MAX: variants seen among roughly 807,000 people sequenced by gnomAD.
MAX encodes MYC associated transcriptional regulator X, also known as protein max.
A neutral mutation model predicts 22.3 loss-of-function variants in MAX; 3 were observed. The ratio of observed to expected loss-of-function variants is 0.13; its 90% CI spans 0.06 to 0.35. MAX has a LOEUF of 0.35. MAX is among the 10% of genes least tolerant of loss of function. The probability of loss-of-function intolerance (pLI) is 1.00; values close to 1 mark genes in which losing one functional copy is unlikely to be tolerated. For synonymous variants in MAX, 72 were observed against 77.7 expected (o/e 0.93, Z 0.39); for missense variants, 119 against 209.4 (o/e 0.57, Z 2.66).
chr14:65,018,310 A>G (rs2139536223), intron 3 of MAX, among the ~76,000 whole-genome samples: 1 of 152,356 alleles, frequency 6.6e-6, no homozygotes. Flanking sequence ...AGCCTGGGCA[A>G]CAGAGCAAGA....
chr14:65,006,342 C>A lies in MAX; in HGVS notation c.172-58G>T, dbSNP rs912598405. On this transcript the variant is annotated intron_variant, in intron 3 of 3. Transcript: ENST00000341653. ...ACTAGTATAGTCTTTCCCTTAACTG[C>A]TAAACCAAATCTCTGCATTAACCCA... 2.5e-6 allele frequency: 4 copies of A among 1,601,516 alleles called. No individual in the cohort carries two copies. In the Admixed American group the frequency reaches 7.0e-5, roughly 28 times the overall value.
In MAX at chr14:65,101,584, G is replaced by C. The variant is rs777329218; in HGVS notation, c.37-12C>G. 2 of 1,569,654 alleles carry C rather than the reference G, an allele frequency of 1.3e-6. No individual in the cohort carries two copies. Among genetic ancestry groups the C allele is most frequent in the South Asian group, 1.1e-5 (1 of 88,436 alleles). ...CTCGGTTGCTCTTCCTGGAATAAGA[G>C]AGAAAAAAAAAAATAGAAAATATAG... On this transcript the variant is annotated splice_polypyrimidine_tract_variant and intron_variant, in intron 1 of 4. Transcript: ENST00000358664.
downstream of MAX, among the ~76,000 whole-genome samples, chr14:65,070,602 G>C (rs555118258): frequency 6.6e-6 from 1 of 152,196 alleles, no homozygotes; most frequent in Non-Finnish European, 1.5e-5. This position sits in a 1 kb window ranked among gnomAD's most constrained non-coding sequence, Gnocchi z 4.4. Flanking sequence ...TTCTAGACAC[G>C]CCCATCCTGC....
At chr14:65,099,294 TGTGTTAAATTAAAAACAAA>T (rs1341315466) in intron 2 of MAX, among the ~76,000 whole-genome samples, 2 of 152,076 alleles carry the variant, frequency 1.3e-5, no homozygotes, top group African/African-American at 4.8e-5. Context: ...AACAAATAGA[TGTGTTAAATTAAAAACAAA>T]GTGTCAAACC....
intron 3 of MAX, among the ~76,000 whole-genome samples, chr14:65,019,053 CCGGCTCCTACT>C (rs1266245946): frequency 3.0e-4 from 46 of 152,194 alleles, no homozygotes; most frequent in Middle Eastern, 3.4e-3. Flanking sequence ...TACTGCACTC[CCGGCTCCTACT>C]CAGGAGGCTG....
At chr14:65,046,239 G>A (rs1004463949) in intron 3 of MAX, among the ~76,000 whole-genome samples, 11 of 152,216 alleles carry the variant, frequency 7.2e-5, no homozygotes, top group Non-Finnish European at 1.5e-4. Context: ...GCCTCCCAAA[G>A]TGCTGGGATT....
intron 3 of MAX, among the ~76,000 whole-genome samples, chr14:65,024,292 G>A (rs752158988): frequency 6.6e-6 from 1 of 151,926 alleles, no homozygotes; most frequent in African/African-American, 2.4e-5. Context: ...TAGTGATTCC[G>A]GTTTAATTGG....
At chr14:65,059,545 AATT>A (rs1439744169) in intron 3 of MAX, among the ~76,000 whole-genome samples, 1 of 152,016 alleles carries the variant, frequency 6.6e-6, no homozygotes, top group Admixed American at 6.6e-5. Context: ...GGTTTTTAAA[AATT>A]ATTGTTTTAT....
intron 3 of MAX, chr14:65,053,246 GC>G: frequency 7.1e-7 from 1 of 1,405,558 alleles, no homozygotes; most frequent in East Asian, 2.7e-5. Flanking sequence ...AGGTGACCCT[GC>G]CCTTAGCATG....
At position 65,041,770 on chromosome 14, in the gene MAX, C is replaced by T. The variant is rs539195601; in HGVS notation, c.172-35486G>A. 6.6e-5 allele frequency among the ~76,000 whole-genome samples: 10 copies of T among 152,304 alleles called. No individual in the cohort carries two copies. In the South Asian group the frequency reaches 8.3e-4, roughly 13 times the overall value. ...AAAGATTCATGAAGGCTTGAAGGCT[C>T]ATGCTGAAACAGCCAACTTTGTATG... is the stretch of plus-strand genomic sequence containing the variant. On this transcript the variant is annotated intron_variant, in intron 3 of 3. Transcript: ENST00000341653.
rs1350110968 is a variant in MAX at position 65,032,137 on chromosome 14, T to C, written c.172-25853A>G. 6.6e-6 allele frequency among the ~76,000 whole-genome samples: 1 copy of C among 152,098 alleles called. No individual in the cohort carries two copies. Among genetic ancestry groups the C allele is most frequent in the Non-Finnish European group, 1.5e-5 (1 of 68,022 alleles). ...ATCTATTACAATTTGGTGGCCTGTT[T>C]TGCAGTTTATCTGTTGCAGAAAAAG... On this transcript the variant is annotated intron_variant, in intron 3 of 3. Coordinates refer to the MAX transcript ENST00000341653. This position sits in a 1 kb window ranked among gnomAD's most constrained non-coding sequence, Gnocchi z 5.0.
intron 3 of MAX, among the ~76,000 whole-genome samples, chr14:65,019,504 A>G (rs2061847955): frequency 1.9e-5 from 2 of 102,880 alleles, no homozygotes; most frequent in African/African-American, 4.5e-5. Flanking sequence ...CAAACAAACA[A>G]AACATTTTTT....
chr14:65,080,999 A>G (rs567476601), intron 3 of MAX, among the ~76,000 whole-genome samples: 80 of 152,376 alleles, frequency 5.3e-4, no homozygotes, highest in African/African-American at 1.8e-3. Context: ...GAGGGATGGC[A>G]GTTTCCATTT....
rs745457835 is a variant in MAX, at chr14:65,012,460, G to A, written c.172-6176C>T. ...ATCCTCCTCCTTTTTCTATTTAAAC[G>A]TAAAAGACTGTTGGGGCTGACCTGT... On this transcript the variant is annotated intron_variant, in intron 3 of 3. Coordinates refer to the MAX transcript ENST00000341653. This position sits in a 1 kb window ranked among gnomAD's most constrained non-coding sequence, Gnocchi z 5.0. 35 of 1,587,748 alleles carry A rather than the reference G, an allele frequency of 2.2e-5. 1 individual carries two copies. The highest frequency in any genetic ancestry group is 1.5e-4 in the South Asian group (13 of 89,394).
chr14:65,102,669 G>T (rs1402457035), upstream of MAX: 4 of 821,398 alleles, frequency 4.9e-6, no homozygotes, highest in African/African-American at 5.8e-5. Flanking sequence ...GGAAGAAACC[G>T]CATCCAGGCG....
At chr14:65,059,842 T>TTC (rs1041954170) in intron 3 of MAX, among the ~76,000 whole-genome samples, 4 of 150,074 alleles carry the variant, frequency 2.7e-5, no homozygotes, top group Non-Finnish European at 3.0e-5. Context: ...TTTTTCTTTT[T>TTC]TTTTTTTTTT....
rs2062428007 is a variant in MAX at position 65,044,333 on chromosome 14, T to A, written c.172-38049A>T. 3 of 1,613,614 alleles carry A rather than the reference T, an allele frequency of 1.9e-6. No individual in the cohort carries two copies. Among genetic ancestry groups the A allele is most frequent in the Non-Finnish European group, 2.5e-6 (3 of 1,179,846 alleles). Reference sequence around the variant, plus strand: ...CAGCAATGGGTGACAAGCCGGCAGATGCGATTTGAAGGAGGATTTCAGGGC... The same window carrying A: ...CAGCAATGGGTGACAAGCCGGCAGAAGCGATTTGAAGGAGGATTTCAGGGC... On this transcript the variant is annotated intron_variant, in intron 3 of 3. Transcript: ENST00000341653. This position sits in a 1 kb window ranked among gnomAD's most constrained non-coding sequence, Gnocchi z 5.5.
At chr14:65,053,167 G>T in intron 3 of MAX, 1 of 1,198,582 alleles carries the variant, frequency 8.3e-7, no homozygotes, top group Non-Finnish European at 1.1e-6. Context: ...CCCCAGGTGA[G>T]AAAGTGGAAT....
In MAX at chr14:65,070,100, G is replaced by A. The variant is rs962664618; in HGVS notation, c.171+23608C>T. Among the ~76,000 whole-genome samples, 2 of 152,208 alleles carry A rather than the reference G, an allele frequency of 1.3e-5. No homozygotes were observed. Among genetic ancestry groups the A allele is most frequent in the African/African-American group, 4.8e-5 (2 of 41,452 alleles). On this transcript the variant is annotated intron_variant, in intron 3 of 3. Transcript: ENST00000341653. This position sits in a 1 kb window ranked among gnomAD's most constrained non-coding sequence, Gnocchi z 4.4. ...GCTGCCAGGCTGCCAGCCGGATTCC[G>A]GATGAGTGACTGGGGGTGCATGCCC... is the stretch of plus-strand genomic sequence containing the variant.
Sources: gnomAD v4.1 joint callset for allele counts (sites outside exome capture counted in the v4.1 genomes callset) on GRCh38, gnomAD v4.1.1 for gene constraint, Gnocchi (gnomAD v3.1) non-coding constraint, MANE v1.5 for transcripts, NCBI Gene and HGNC (gene_info 2026-07-23, HGNC 2026-07-21) for gene names.